WASHC5: variants seen among roughly 807,000 people sequenced by gnomAD.
The protein encoded by WASHC5 is WASH complex subunit strumpellin.
Under a neutral mutation model 150.4 loss-of-function variants are expected in WASHC5, and 101 were observed. The observed-to-expected ratio is 0.67, with a 90% CI of 0.57 to 0.79. The LOEUF is 0.79. WASHC5 is among the 30% of genes least tolerant of loss of function. The probability of loss-of-function intolerance (pLI) is 0.00; values close to 1 mark genes in which losing one functional copy is unlikely to be tolerated. For missense variants in WASHC5, 1,195 were observed against 1,396.3 expected, an observed-to-expected ratio of 0.86 and a Z score of 2.30; for synonymous variants, 467 against 491.2, an observed-to-expected ratio of 0.95 and a Z score of 0.65.
chr8:125,074,694 C>G (rs1227811451), intron 8 of WASHC5, among the ~76,000 whole-genome samples: 1 of 152,180 alleles, frequency 6.6e-6, no homozygotes, highest in Non-Finnish European at 1.5e-5. Flanking sequence ...ACAACCAACT[C>G]TGGCCATGAG....
At position 125,059,306 on chromosome 8, in the gene WASHC5, A is replaced by C; in HGVS notation, c.1689-9T>G. Reference sequence around the variant, plus strand: ...GCATGATGGATGTGAAACTGTAAAAAGAAAAGAAACGGTAAGAAGATGTTC... The same window carrying C: ...GCATGATGGATGTGAAACTGTAAAACGAAAAGAAACGGTAAGAAGATGTTC... On this transcript the variant is annotated splice_polypyrimidine_tract_variant and intron_variant, in intron 13 of 28. Coordinates refer to ENST00000318410, the MANE Select transcript of WASHC5 (RefSeq NM_014846.4). 2 of 1,614,052 alleles carry C rather than the reference A, an allele frequency of 1.2e-6. No homozygotes were observed. Among genetic ancestry groups the C allele is most frequent in the Non-Finnish European group, 1.7e-6 (2 of 1,179,904 alleles).
chr8:125,083,286 T>C, intron 2 of WASHC5, 28 bp from the exon 3 acceptor site: 2 of 1,606,130 alleles, frequency 1.2e-6, no homozygotes, highest in South Asian at 2.2e-5. Flanking sequence ...ATGTGAAATG[T>C]CAATAAAAGC....
At chr8:125,052,253 TAA>T (rs1012722555) in intron 17 of WASHC5, among the ~76,000 whole-genome samples, 1 of 152,230 alleles carries the variant, frequency 6.6e-6, no homozygotes, top group African/African-American at 2.4e-5. Flanking sequence ...ACAGATTTAC[TAA>T]AAGAGTTCAA....
intron 1 of WASHC5, among the ~76,000 whole-genome samples, chr8:125,088,773 G>A (rs747804642): frequency 1.3e-4 from 20 of 152,134 alleles, no homozygotes; most frequent in Non-Finnish European, 2.5e-4. Flanking sequence ...CCGGACCATA[G>A]ATGCTATAAA....
Position 125,032,022 on chromosome 8 carries a change from A to C in WASHC5, c.3335+219T>G, listed in dbSNP as rs3750237. The stretch of plus-strand genomic sequence containing the variant: ...GTCCTGAGTCACTCCTGGAAAATCA[A>C]TGTGAGTAGACCGGATGGAGTTCCC... On this transcript the variant is annotated intron_variant, in intron 27 of 28. Transcript: ENST00000318410. Among the ~76,000 whole-genome samples, 58,586 of 151,976 alleles carry C rather than the reference A, an allele frequency of 0.39. 13,390 individuals carry two copies. Among genetic ancestry groups the C allele is most frequent in the African/African-American group, 0.63 (26,134 of 41,426 alleles).
intron 1 of WASHC5, among the ~76,000 whole-genome samples, chr8:125,086,093 C>T (rs1255231283): frequency 2.0e-5 from 3 of 152,196 alleles, no homozygotes; most frequent in African/African-American, 7.2e-5. Context: ...TTTTCCCTCT[C>T]AATGAGTCTG....
chr8:125,072,577 T>A (rs1241479177), intron 9 of WASHC5, among the ~76,000 whole-genome samples: 2 of 152,110 alleles, frequency 1.3e-5, no homozygotes. Flanking sequence ...TCTCACTGTG[T>A]TACCCAGGCT....
chr8:125,085,442 T>C (rs1817391242), intron 1 of WASHC5, among the ~76,000 whole-genome samples: 1 of 152,066 alleles, frequency 6.6e-6, no homozygotes, highest in African/African-American at 2.4e-5. Flanking sequence ...GGTTGATTTC[T>C]AAAACATGCA....
intron 11 of WASHC5, among the ~76,000 whole-genome samples, chr8:125,061,711 A>AG (rs1173426607): frequency 6.6e-6 from 1 of 152,198 alleles, no homozygotes; most frequent in Non-Finnish European, 1.5e-5. Flanking sequence ...TGAACAATGC[A>AG]GGGGGTGCCA....
At chr8:125,070,454 G>A (rs1474864658) in intron 9 of WASHC5, among the ~76,000 whole-genome samples, 7 of 152,214 alleles carry the variant, frequency 4.6e-5, no homozygotes, top group African/African-American at 1.7e-4. Context: ...GCATGGGTGC[G>A]AATTCAGGAG....
At chr8:125,038,768 T>C in intron 25 of WASHC5, 62 bp downstream of exon 25, 5 of 1,597,688 alleles carry the variant, frequency 3.1e-6, no homozygotes, top group Non-Finnish European at 4.3e-6. Flanking sequence ...CAGTAATCTG[T>C]TACCTGGGCC....
intron 14 of WASHC5, among the ~76,000 whole-genome samples, chr8:125,058,565 G>A (rs1816487391): frequency 6.6e-6 from 1 of 152,080 alleles, no homozygotes; most frequent in South Asian, 2.1e-4. Flanking sequence ...TGGTCAACAT[G>A]GTGAAACCCC....
intron 9 of WASHC5, among the ~76,000 whole-genome samples, chr8:125,070,698 A>G (rs967364465): frequency 1.3e-5 from 2 of 152,266 alleles, no homozygotes; most frequent in Non-Finnish European, 2.9e-5. Context: ...AACTCAACTA[A>G]TTAAAAACAG....
At chr8:125,063,688 G>A (rs778255211) in intron 10 of WASHC5, 37 bp from the exon 11 acceptor site, 1 of 1,601,878 alleles carries the variant, frequency 6.2e-7, no homozygotes. Context: ...TTACTTAAGA[G>A]AAAAATCCAG....
At position 125,073,056 on chromosome 8, in the gene WASHC5, T is replaced by A. The variant is rs973158939; in HGVS notation, c.1150+97A>T. 3.0e-6 allele frequency: 4 copies of A among 1,313,446 alleles called. No homozygotes were observed. In the Admixed American group the frequency reaches 6.8e-5, roughly 22 times the overall value. The allele number at this position is 1,313,446 out of a possible 1,614,324, so 81.4% of individuals were successfully genotyped here. A position where few individuals can be genotyped will look rare whatever the true frequency, so the allele number is the denominator to read the frequency against. On this transcript the variant is annotated intron_variant, in intron 9 of 28. Transcript: ENST00000318410. ...AGCAACTTGATTCTCATCCAAGGCCTCTCTCCCTGCTAAACCACTCTGCAT... is the reference window on the plus strand; with the variant it reads ...AGCAACTTGATTCTCATCCAAGGCCACTCTCCCTGCTAAACCACTCTGCAT...
chr8:125,073,145 T>C lies in WASHC5; in HGVS notation c.1150+8A>G. The C allele has an allele frequency of 6.2e-7, 1 of 1,614,044 alleles. No individual in the cohort carries two copies. Among genetic ancestry groups the C allele is most frequent in the Non-Finnish European group, 8.5e-7 (1 of 1,179,900 alleles). ...GTAATATAAACGGCCACCCCTTTTGTGCATTACCTGAGTCTGCTGTATGAA... is the reference window on the plus strand; with the variant it reads ...GTAATATAAACGGCCACCCCTTTTGCGCATTACCTGAGTCTGCTGTATGAA... On this transcript the variant is annotated splice_region_variant and intron_variant, in intron 9 of 28. Transcript: ENST00000318410.
At chr8:125,057,210 C>T (rs9297710) in intron 15 of WASHC5, among the ~76,000 whole-genome samples, 16,973 of 152,182 alleles carry the variant, frequency 0.11, 2,223 homozygotes, top group African/African-American at 0.31. Context: ...AAAACCTGAA[C>T]TGGGCTCTGA....
At chr8:125,073,666 T>A (rs1054036265) in intron 8 of WASHC5, among the ~76,000 whole-genome samples, 2 of 152,230 alleles carry the variant, frequency 1.3e-5, no homozygotes, top group African/African-American at 4.8e-5. Context: ...CATTTCTATA[T>A]AAGATGAATA....
intron 10 of WASHC5, among the ~76,000 whole-genome samples, chr8:125,067,235 C>G (rs1816767398): frequency 6.6e-6 from 1 of 152,166 alleles, no homozygotes; most frequent in African/African-American, 2.4e-5. Context: ...CCAGGCTGAT[C>G]TCGAACTCCT....
Sources: gnomAD v4.1 joint callset for allele counts (sites outside exome capture counted in the v4.1 genomes callset) on GRCh38, gnomAD v4.1.1 for gene constraint, MANE v1.5 for transcripts, NCBI Gene and HGNC (gene_info 2026-07-23, HGNC 2026-07-21) for gene names.